EYA4: variants seen among roughly 807,000 people sequenced by gnomAD.
The protein encoded by EYA4 is EYA transcriptional coactivator and phosphatase 4.
A neutral mutation model predicts 87.9 loss-of-function variants in EYA4; 31 were observed. The ratio of observed to expected loss-of-function variants is 0.35; its 90% CI spans 0.27 to 0.48. The LOEUF is 0.48. Ranked by LOEUF, EYA4 falls within the 20% of genes least tolerant of loss-of-function variation. The pLI, the probability that EYA4 is intolerant of heterozygous loss-of-function variation, is 0.99. For missense variants in EYA4, 678 were observed against 761.4 expected, an observed-to-expected ratio of 0.89 and a Z score of 1.29; for synonymous variants, 263 against 270.6, an observed-to-expected ratio of 0.97 and a Z score of 0.28.
chr6:133,397,877 T>G (rs1190580857), intron 3 of EYA4, among the ~76,000 whole-genome samples: 1 of 152,170 alleles, frequency 6.6e-6, no homozygotes, highest in East Asian at 1.9e-4. Context: ...AAGAACAGCA[T>G]GGGAAAGACC....
intron 17 of EYA4, among the ~76,000 whole-genome samples, chr6:133,518,962 C>A (rs1799854565): frequency 2.0e-5 from 3 of 150,350 alleles, no homozygotes; most frequent in Admixed American, 1.3e-4. Context: ...AACAAAGACA[C>A]AACATACCAG....
intron 13 of EYA4, among the ~76,000 whole-genome samples, chr6:133,486,438 A>G (rs1239777516): frequency 6.6e-6 from 1 of 152,180 alleles, no homozygotes; most frequent in African/African-American, 2.4e-5. Flanking sequence ...ACCATAACTG[A>G]AAAATGGTAA....
At chr6:133,415,805 A>G (rs897443391) in intron 3 of EYA4, among the ~76,000 whole-genome samples, 2 of 152,230 alleles carry the variant, frequency 1.3e-5, no homozygotes, top group African/African-American at 2.4e-5. Flanking sequence ...CCTGTGCCAG[A>G]TAAGACATCT....
intron 19 of EYA4, among the ~76,000 whole-genome samples, chr6:133,528,192 G>GT (rs1800790723): frequency 6.6e-6 from 1 of 152,244 alleles, no homozygotes; most frequent in East Asian, 1.9e-4. Context: ...TCCCAGACAA[G>GT]TAAGAAAGTT....
intron 15 of EYA4, 27 bp from the exon 16 acceptor site, chr6:133,512,849 TTC>T (rs1393047720): frequency 6.2e-7 from 1 of 1,613,812 alleles, no homozygotes. Flanking sequence ...ATGTAATTAT[TTC>T]TTTTTAATGT....
At chr6:133,242,475 C>T (rs1278992233) in intron 1 of EYA4, among the ~76,000 whole-genome samples, 1 of 152,106 alleles carries the variant, frequency 6.6e-6, no homozygotes, top group African/African-American at 2.4e-5. Flanking sequence ...TATAACTTCT[C>T]CAAAGGAAGG....
At chr6:133,254,717 T>C (rs1775199936) in intron 1 of EYA4, among the ~76,000 whole-genome samples, 1 of 152,220 alleles carries the variant, frequency 6.6e-6, no homozygotes, top group African/African-American at 2.4e-5. Context: ...TGTGTTTCAG[T>C]GGGTCACTTT....
In EYA4 at chr6:133,380,864, T is replaced by C. The variant is rs1486045529; in HGVS notation, c.34-1528T>C. On this transcript the variant is annotated intron_variant, in intron 2 of 19. Transcript: ENST00000355286. ...TCCTCCTCCTCCTTGTTCCTCTTCC[T>C]CCTCCTCCTCCTCTTCTTCTTCTTC... Among the ~76,000 whole-genome samples, 7 of 143,414 alleles carry C rather than the reference T, an allele frequency of 4.9e-5. No homozygotes were observed. In the South Asian group the frequency reaches 6.6e-4, roughly 14 times the overall value. 94.1% of individuals were successfully genotyped at this position (143,414 alleles called of 152,430 possible).
chr6:133,481,625 G>A (rs1356232020), intron 12 of EYA4, 26 bp downstream of exon 12: 2 of 1,610,080 alleles, frequency 1.2e-6, no homozygotes, highest in Non-Finnish European at 1.7e-6. Context: ...CTTAAAGATT[G>A]TAGTGTGATG....
intron 13 of EYA4, among the ~76,000 whole-genome samples, chr6:133,503,797 A>AT (rs1798347478): frequency 6.6e-6 from 1 of 152,110 alleles, no homozygotes; most frequent in Non-Finnish European, 1.5e-5. Flanking sequence ...ACCTTTAGAG[A>AT]TTTTATTTCA....
At chr6:133,356,878 C>T (rs1784091751) in intron 2 of EYA4, among the ~76,000 whole-genome samples, 2 of 151,636 alleles carry the variant, frequency 1.3e-5, no homozygotes, top group Non-Finnish European at 2.9e-5. Flanking sequence ...TCTCGGCTCA[C>T]TGCACCCTGT....
chr6:133,304,736 G>A (rs1055163196), intron 2 of EYA4, among the ~76,000 whole-genome samples: 10 of 152,096 alleles, frequency 6.6e-5, no homozygotes, highest in Admixed American at 1.3e-4. Context: ...ACATAAAATG[G>A]GGATACAAAT....
chr6:133,376,824 ATTCT>A (rs1282281623), intron 2 of EYA4, among the ~76,000 whole-genome samples: 1 of 152,076 alleles, frequency 6.6e-6, no homozygotes, highest in Non-Finnish European at 1.5e-5. Context: ...CAAATCACAC[ATTCT>A]TTATTTTAAA....
At chr6:133,423,526 A>G (rs1012730268) in intron 3 of EYA4, among the ~76,000 whole-genome samples, 18 of 152,236 alleles carry the variant, frequency 1.2e-4, no homozygotes, top group Non-Finnish European at 2.2e-4. Context: ...GTTTAAAGTT[A>G]TAATTCATTC....
At chr6:133,380,082 T>A (rs1476650225) in intron 2 of EYA4, among the ~76,000 whole-genome samples, 2 of 152,182 alleles carry the variant, frequency 1.3e-5, no homozygotes, top group African/African-American at 2.4e-5. Flanking sequence ...CATCTTCCTT[T>A]GGCTAAGTTA....
At chr6:133,304,470 T>C (rs867331893) in intron 2 of EYA4, among the ~76,000 whole-genome samples, 1 of 152,120 alleles carries the variant, frequency 6.6e-6, no homozygotes, top group Non-Finnish European at 1.5e-5. Flanking sequence ...AGAAGAAAAT[T>C]TAGACTGAAG....
intron 2 of EYA4, among the ~76,000 whole-genome samples, chr6:133,361,030 G>A (rs1176864564): frequency 2.6e-5 from 4 of 152,194 alleles, no homozygotes; most frequent in Non-Finnish European, 4.4e-5. Flanking sequence ...TCACATTTCT[G>A]TATGTGTTAT....
intron 11 of EYA4, among the ~76,000 whole-genome samples, chr6:133,470,911 A>G (rs1329090469): frequency 6.6e-5 from 6 of 90,856 alleles, no homozygotes; most frequent in Non-Finnish European, 4.5e-5. Flanking sequence ...TTGGTGTATA[A>G]GAATGCTTGT....
At chr6:133,326,766 G>T (rs1781531871) in intron 2 of EYA4, among the ~76,000 whole-genome samples, 1 of 152,200 alleles carries the variant, frequency 6.6e-6, no homozygotes. Context: ...TGACTGAAGT[G>T]CTGCTCTTAA....
Sources: allele counts gnomAD v4.1 joint callset (sites outside exome capture counted in the v4.1 genomes callset), GRCh38; gene constraint gnomAD v4.1.1; transcripts MANE v1.5; gene names NCBI Gene and HGNC (gene_info 2026-07-23, HGNC 2026-07-21).